The following HEMK2 variants were observed in gnomAD, a reference collection of about 807,000 sequenced individuals.
HEMK2 encodes methyltransferase HEMK2.
chr21:28,877,209 G>A, the HEMK2 span, among the ~76,000 whole-genome samples: 88 of 122,696 alleles, frequency 7.2e-4, 2 homozygotes, highest in African/African-American at 2.4e-3. Flanking sequence ...GGAGGGAAGG[G>A]AGAGAAAGGA....
At chr21:28,674,199 C>T in the HEMK2 span, among the ~76,000 whole-genome samples, 1 of 152,204 alleles carries the variant, frequency 6.6e-6, no homozygotes, top group Non-Finnish European at 1.5e-5. Context: ...ATGGCAACAT[C>T]AGGAAGTTAC....
chr21:28,723,991 G>A, the HEMK2 span, among the ~76,000 whole-genome samples: 34,700 of 151,886 alleles, frequency 0.23, 4,456 homozygotes, highest in African/African-American at 0.34. Flanking sequence ...CAAGGCCTCA[G>A]CAATGATTCT....
chr21:28,825,990 C>T, the HEMK2 span, among the ~76,000 whole-genome samples: 9,001 of 152,320 alleles, frequency 0.059, 347 homozygotes, highest in Middle Eastern at 0.092. Flanking sequence ...AGCCAGGATG[C>T]TCATTGCAAC....
the HEMK2 span, among the ~76,000 whole-genome samples, chr21:28,675,192 A>G: frequency 6.6e-6 from 1 of 152,244 alleles, no homozygotes; most frequent in Non-Finnish European, 1.5e-5. Flanking sequence ...AGAACAAGTA[A>G]ACTTATTCCT....
the HEMK2 span, among the ~76,000 whole-genome samples, chr21:28,865,260 G>A: frequency 1.3e-5 from 2 of 152,162 alleles, no homozygotes; most frequent in Non-Finnish European, 2.9e-5. Context: ...CCGCCTCCTG[G>A]GTTCAAGTGA....
chr21:28,669,524 G>A, the HEMK2 span, among the ~76,000 whole-genome samples: 12 of 152,280 alleles, frequency 7.9e-5, no homozygotes, highest in East Asian at 2.1e-3. Flanking sequence ...AGATGTGGGC[G>A]AAGTAACAGA....
the HEMK2 span, among the ~76,000 whole-genome samples, chr21:28,610,713 T>C: frequency 6.6e-6 from 1 of 152,108 alleles, no homozygotes; most frequent in African/African-American, 2.4e-5. Flanking sequence ...AAATATGCCA[T>C]GCAAATGGAC....
At chr21:28,688,680 T>C in the HEMK2 span, among the ~76,000 whole-genome samples, 1 of 152,148 alleles carries the variant, frequency 6.6e-6, no homozygotes, top group Non-Finnish European at 1.5e-5. Flanking sequence ...AATTCAGATA[T>C]GTACACTACA....
chr21:28,864,812 C>CAGAT, the HEMK2 span, among the ~76,000 whole-genome samples: 7,666 of 113,712 alleles, frequency 0.067, 282 homozygotes, highest in African/African-American at 0.093. Context: ...CTCTGAAAGA[C>CAGAT]AGACAGACAG....
the HEMK2 span, among the ~76,000 whole-genome samples, chr21:28,577,612 ATATC>A: frequency 2.0e-5 from 3 of 152,166 alleles, no homozygotes; most frequent in Non-Finnish European, 2.9e-5. Context: ...ACTTAACAAC[ATATC>A]TAGGGTTGCC....
At chr21:28,784,746 C>G in the HEMK2 span, among the ~76,000 whole-genome samples, 4 of 152,160 alleles carry the variant, frequency 2.6e-5, no homozygotes, top group South Asian at 8.3e-4. Context: ...CAAAACAGAC[C>G]AATCAGCTCT....
chr21:28,631,939 T>C, the HEMK2 span, among the ~76,000 whole-genome samples: 3 of 152,170 alleles, frequency 2.0e-5, no homozygotes, highest in Admixed American at 1.3e-4. Flanking sequence ...ATTATTTACA[T>C]TGCACCATCA....
At chr21:28,714,146 C>A in the HEMK2 span, among the ~76,000 whole-genome samples, 1 of 152,150 alleles carries the variant, frequency 6.6e-6, no homozygotes, top group Non-Finnish European at 1.5e-5. Context: ...TGCCTTGATG[C>A]CTCTTCCATA....
At chr21:28,609,771 T>A in the HEMK2 span, among the ~76,000 whole-genome samples, 16 of 152,016 alleles carry the variant, frequency 1.1e-4, no homozygotes, top group Admixed American at 7.2e-4. Flanking sequence ...TAAAATGCAC[T>A]GGAAAGTCTC....
At chr21:28,794,005 GTTGTT>G in the HEMK2 span, among the ~76,000 whole-genome samples, 2 of 152,170 alleles carry the variant, frequency 1.3e-5, no homozygotes, top group Non-Finnish European at 2.9e-5. Context: ...ATAATTTTCT[GTTGTT>G]TTAAGACATC....
chr21:28,641,738 A>G, the HEMK2 span, among the ~76,000 whole-genome samples: 1 of 152,250 alleles, frequency 6.6e-6, no homozygotes, highest in Non-Finnish European at 1.5e-5. Context: ...AGTGAAGCAC[A>G]GAGATACAAA....
the HEMK2 span, among the ~76,000 whole-genome samples, chr21:28,796,832 A>G: frequency 1.3e-5 from 2 of 152,308 alleles, no homozygotes; most frequent in Non-Finnish European, 2.9e-5. Context: ...AGCCTCCCAA[A>G]GTGCTGGGAT....
the HEMK2 span, among the ~76,000 whole-genome samples, chr21:28,717,620 C>A: frequency 6.6e-6 from 1 of 151,766 alleles, no homozygotes; most frequent in East Asian, 1.9e-4. Flanking sequence ...GCTGGGATTA[C>A]AGGTGCATGC....
chr21:28,667,363 A>C, the HEMK2 span, among the ~76,000 whole-genome samples: 5 of 152,208 alleles, frequency 3.3e-5, no homozygotes, highest in Non-Finnish European at 7.3e-5. Context: ...CTTTGATGAA[A>C]GAATTAGAAT....
Sources: allele counts gnomAD v4.1 joint callset (sites outside exome capture counted in the v4.1 genomes callset), GRCh38; gene constraint gnomAD v4.1.1; transcripts MANE v1.5; gene names NCBI Gene and HGNC (gene_info 2026-07-23, HGNC 2026-07-21).